Variants in SSBP3 observed in about 807,000 individuals in gnomAD.
SSBP3 encodes the protein single stranded DNA binding protein 3.
SSBP3 carries 5 observed loss-of-function variants against 69.6 expected under a neutral mutation model. The ratio of observed to expected loss-of-function variants is 0.07; its 90% CI spans 0.04 to 0.15. The LOEUF is 0.15. SSBP3 is among the 10% of genes least tolerant of loss of function. The pLI, the probability that SSBP3 is intolerant of heterozygous loss-of-function variation, is 1.00. For synonymous variants in SSBP3, 196 were observed against 193.4 expected (o/e 1.01, Z -0.11); for missense variants, 312 against 534.0 (o/e 0.58, Z 4.10).
chr1:54,299,375 G>A (rs1645760339), intron 4 of SSBP3, among the ~76,000 whole-genome samples: 1 of 152,134 alleles, frequency 6.6e-6, no homozygotes, highest in African/African-American at 2.4e-5. Context: ...CTGGTCCGAT[G>A]TTCCCCTACC....
intron 4 of SSBP3, among the ~76,000 whole-genome samples, chr1:54,352,462 C>T (rs1312687934): frequency 1.3e-5 from 2 of 152,200 alleles, no homozygotes; most frequent in East Asian, 3.9e-4. Context: ...CAGAAACGGT[C>T]CCCACTGGGT....
chr1:54,263,287 G>A lies in SSBP3; in HGVS notation c.367-5138C>T, dbSNP rs545620559. Reference sequence around the variant, plus strand: ...AGCAGGACCCCCAGCCCTCCCGCACGCTCCGGCTAAGTCCCTGCACTTCAT... The same window carrying A: ...AGCAGGACCCCCAGCCCTCCCGCACACTCCGGCTAAGTCCCTGCACTTCAT... On this transcript the variant is annotated intron_variant, in intron 5 of 17. Coordinates refer to ENST00000610401, the Ensembl canonical transcript of SSBP3. Among the ~76,000 whole-genome samples the A allele has an allele frequency of 5.3e-5, 8 of 152,302 alleles. No homozygotes were observed. The East Asian group carries it at 9.6e-4, about 18-fold the overall frequency.
At chr1:54,275,448 G>T (rs1408788613) in intron 5 of SSBP3, among the ~76,000 whole-genome samples, 1 of 152,240 alleles carries the variant, frequency 6.6e-6, no homozygotes, top group Non-Finnish European at 1.5e-5. Context: ...CAGGAGGAAT[G>T]TCCGCTCCCT....
At position 54,284,769 on chromosome 1, in the gene SSBP3, TA is replaced by T. The variant is rs920045442; in HGVS notation, c.277-3243del. ...CAGGTGTGAACCATCGTGTCTGGCC[TA>T]AAAAAAAAATTAAATGAAAACTTGA... On this transcript the variant is annotated intron_variant, in intron 4 of 17. Coordinates refer to ENST00000610401, the Ensembl canonical transcript of SSBP3. Among the ~76,000 whole-genome samples, 17 of 149,900 alleles carry T rather than the reference TA, an allele frequency of 1.1e-4. No individual in the cohort carries two copies. The East Asian group carries it at 2.3e-3, about 21-fold the overall frequency.
chr1:54,381,307 C>T (rs992995155), intron 4 of SSBP3, among the ~76,000 whole-genome samples: 4 of 136,536 alleles, frequency 2.9e-5, no homozygotes, highest in South Asian at 2.4e-4. Context: ...CACTTAAACT[C>T]GGGAGGCAGA....
chr1:54,351,279 C>G (rs1646777153), intron 4 of SSBP3, among the ~76,000 whole-genome samples: 1 of 152,172 alleles, frequency 6.6e-6, no homozygotes, highest in Admixed American at 6.5e-5. Flanking sequence ...TTCTTCCTTC[C>G]TCCTACTTTT....
intron 4 of SSBP3, among the ~76,000 whole-genome samples, chr1:54,333,608 CT>C (rs1646458760): frequency 6.6e-6 from 1 of 152,208 alleles, no homozygotes; most frequent in East Asian, 1.9e-4. Flanking sequence ...GACAGGCTAT[CT>C]GGGTTTAAAT....
At chr1:54,288,351 C>T (rs978752792) in intron 4 of SSBP3, among the ~76,000 whole-genome samples, 1 of 152,184 alleles carries the variant, frequency 6.6e-6, no homozygotes, top group African/African-American at 2.4e-5. Context: ...GCTCCAGTGA[C>T]ACTGTGGATG....
chr1:54,225,499 ATAAT>A (rs973227080), exon 18 of SSBP3: 26 of 1,113,526 alleles, frequency 2.3e-5, no homozygotes, highest in Middle Eastern at 2.4e-4. Context: ...ACAATGTATC[ATAAT>A]TACTTTTTTT....
At chr1:54,331,596 G>A (rs567471820) in intron 4 of SSBP3, among the ~76,000 whole-genome samples, 5 of 152,280 alleles carry the variant, frequency 3.3e-5, no homozygotes, top group South Asian at 4.1e-4. Context: ...TTCCTCTTAC[G>A]TGACACAGGA....
At chr1:54,264,734 G>A (rs1014758667) in intron 5 of SSBP3, among the ~76,000 whole-genome samples, 1 of 152,194 alleles carries the variant, frequency 6.6e-6, no homozygotes, top group African/African-American at 2.4e-5. Context: ...CCAGACAGAC[G>A]CCATTACCAC....
chr1:54,247,538 G>C (rs1327019598), intron 9 of SSBP3, among the ~76,000 whole-genome samples: 1 of 152,172 alleles, frequency 6.6e-6, no homozygotes, highest in African/African-American at 2.4e-5. Flanking sequence ...ACTGAGCTTG[G>C]ACTGGCCCTG....
intron 4 of SSBP3, among the ~76,000 whole-genome samples, chr1:54,297,840 T>C (rs1645728614): frequency 6.6e-6 from 1 of 152,144 alleles, no homozygotes; most frequent in Non-Finnish European, 1.5e-5. Flanking sequence ...TGGTTGCACA[T>C]CAAAATCATG....
intron 4 of SSBP3, among the ~76,000 whole-genome samples, chr1:54,392,877 G>A (rs140650394): frequency 2.2e-3 from 335 of 152,294 alleles, no homozygotes; most frequent in South Asian, 6.2e-3. Flanking sequence ...GGTAACAAAC[G>A]ACTAGGAGAG....
chr1:54,280,163 C>T (rs1645364852), intron 5 of SSBP3, among the ~76,000 whole-genome samples: 4 of 152,226 alleles, frequency 2.6e-5, no homozygotes, highest in Admixed American at 2.6e-4. Context: ...CACTGCCGTC[C>T]TTCTTAGCTG....
At chr1:54,289,020 C>CAAAAAAA (rs777871964) in intron 4 of SSBP3, among the ~76,000 whole-genome samples, 9 of 43,870 alleles carry the variant, frequency 2.1e-4, no homozygotes, top group Non-Finnish European at 2.4e-4. Context: ...ACTCTGTCTC[C>CAAAAAAA]AAAAAAAAAA....
intron 4 of SSBP3, among the ~76,000 whole-genome samples, chr1:54,289,638 A>G (rs536918522): frequency 6.6e-6 from 1 of 152,122 alleles, no homozygotes; most frequent in Admixed American, 6.5e-5. Flanking sequence ...TGTGGAAGAG[A>G]TGGTACTTGA....
rs142745100 is a variant in SSBP3 at position 54,361,608 on chromosome 1, G to C, written c.276+40253C>G. On this transcript the variant is annotated intron_variant, in intron 4 of 17. Coordinates refer to ENST00000610401, the Ensembl canonical transcript of SSBP3. ...CCTGAGCAGGGGGCCTCAGAGAGGA[G>C]GTGCGGAACCTGTTCTCGCAGAACG... Among the ~76,000 whole-genome samples the C allele has an allele frequency of 4.6e-5, 7 of 152,238 alleles. No homozygotes were observed. The East Asian group carries it at 1.2e-3, about 25-fold the overall frequency.
chr1:54,286,409 G>A (rs1451911635), intron 4 of SSBP3: 4 of 152,212 alleles, frequency 2.6e-5, no homozygotes, highest in Admixed American at 1.3e-4. Flanking sequence ...CAGTCAACTT[G>A]AAAAGCCCGA....
Sources: gnomAD v4.1 joint callset for allele counts (sites outside exome capture counted in the v4.1 genomes callset) on GRCh38, gnomAD v4.1.1 for gene constraint, MANE v1.5 for transcripts, NCBI Gene and HGNC (gene_info 2026-07-23, HGNC 2026-07-21) for gene names.